Variants in TSPAN11 observed in about 807,000 individuals in gnomAD.
TSPAN11 encodes the protein tetraspanin 11.
In TSPAN11, 29 loss-of-function variants were observed where a neutral mutation model predicts 32.9. That is an observed-to-expected ratio of 0.88 (90% CI 0.66 to 1.20). TSPAN11 has a LOEUF of 1.20. Among genes scored for constraint, TSPAN11 ranks in the 50% most tolerant of loss-of-function variants. The pLI is 0.00. For missense variants in TSPAN11, 283 were observed against 329.1 expected, an observed-to-expected ratio of 0.86 and a Z score of 1.08; for synonymous variants, 140 against 141.3, an observed-to-expected ratio of 0.99 and a Z score of 0.07.
In TSPAN11 at chr12:30,992,019, G is replaced by GC. The variant is rs1211421543; in HGVS notation, c.*109dup. On this transcript the variant is annotated 3_prime_UTR_variant, in exon 8 of 8. Transcript: ENST00000546076. Reference sequence around the variant, plus strand: ...CACCAGCTCCACTAGGGCCATAGATGCCCCCTCCTTTGTGCCTAGCTCCTG... The same window carrying GC: ...CACCAGCTCCACTAGGGCCATAGATGCCCCCCTCCTTTGTGCCTAGCTCCTG... 1.5e-6 allele frequency: 2 copies of GC among 1,301,794 alleles called. No individual in the cohort carries two copies. Among genetic ancestry groups the GC allele is most frequent in the Non-Finnish European group, 2.2e-6 (2 of 903,262 alleles). 80.6% of individuals were successfully genotyped at this position (1,301,794 alleles called of 1,614,324 possible). A position where few individuals can be genotyped will look rare whatever the true frequency, so the allele number is the denominator to read the frequency against.
At position 30,930,741 on chromosome 12, in the gene TSPAN11, C is replaced by A. The variant is rs569659072; in HGVS notation, c.-12+3945C>A. On this transcript the variant is annotated intron_variant, in intron 1 of 7. Transcript: ENST00000546076. ...TTGAAGAGTGGTGACTACTGTGGGA[C>A]CTTGTCTAATGCTGGTCTCCCCTGT... Among the ~76,000 whole-genome samples the A allele has an allele frequency of 1.4e-4, 22 of 152,280 alleles. 1 individual carries two copies. Among genetic ancestry groups the A allele is most frequent in the African/African-American group, 5.3e-4 (22 of 41,550 alleles).
At position 30,982,927 on chromosome 12, in the gene TSPAN11, G is replaced by A. The variant is rs1359677366; in HGVS notation, c.616-137G>A. 8.1e-6 allele frequency: 9 copies of A among 1,109,110 alleles called. No homozygotes were observed. The Admixed American group carries it at 1.6e-4, about 20-fold the overall frequency. The allele number at this position is 1,109,110 out of a possible 1,614,324, so 68.7% of individuals were successfully genotyped here. On this transcript the variant is annotated intron_variant, in intron 6 of 7. Coordinates refer to ENST00000546076, the MANE Select transcript of TSPAN11 (RefSeq NM_001370302.1). ...GCCCCTGGGGCCACTCAAGTAGCCT[G>A]TGAGCAATTCAAGGTTGGGTCCAGC...
At chr12:30,927,801 T>C (rs1014145802) in intron 1 of TSPAN11, among the ~76,000 whole-genome samples, 4 of 152,176 alleles carry the variant, frequency 2.6e-5, no homozygotes, top group African/African-American at 9.6e-5. Flanking sequence ...TGGTTGTCAC[T>C]GTGTCAGTAG....
chr12:30,966,816 G>A (rs1035939176), intron 3 of TSPAN11, among the ~76,000 whole-genome samples: 1 of 152,212 alleles, frequency 6.6e-6, no homozygotes, highest in African/African-American at 2.4e-5. Context: ...AAGAGACAGG[G>A]GTGTAGTGAG....
At position 30,995,257 on chromosome 12, in the gene TSPAN11, C is replaced by G. The variant is rs1939394381; in HGVS notation, c.*3342C>G. 2 of 152,306 alleles carry G rather than the reference C, an allele frequency of 1.3e-5. No individual in the cohort carries two copies. Among genetic ancestry groups the G allele is most frequent in the South Asian group, 4.1e-4 (2 of 4,826 alleles). The allele number at this position is 152,306 out of a possible 1,614,324, so 9.4% of individuals were successfully genotyped here. Reference sequence around the variant, plus strand: ...GAATCTCATGTCCACATGGAGGTCACCCCTCAGGTCACACCCACTCCCAGA... The same window carrying G: ...GAATCTCATGTCCACATGGAGGTCAGCCCTCAGGTCACACCCACTCCCAGA... On this transcript the variant is annotated 3_prime_UTR_variant, in exon 8 of 8. Transcript: ENST00000546076.
chr12:31,003,703 G>T, the TSPAN11 span, among the ~76,000 whole-genome samples: 3 of 152,162 alleles, frequency 2.0e-5, no homozygotes, highest in Admixed American at 2.0e-4. Flanking sequence ...GAGTGTGTTT[G>T]CTCTGGAATC....
In TSPAN11 at chr12:30,972,930, G is replaced by A. The variant is rs77521099; in HGVS notation, c.277-5631G>A. On this transcript the variant is annotated intron_variant, in intron 3 of 7. Coordinates refer to ENST00000546076, the MANE Select transcript of TSPAN11 (RefSeq NM_001370302.1). The stretch of plus-strand genomic sequence containing the variant: ...TTATGCGCCCAGGGAGGGCTTCCCT[G>A]GGCTTCCTTCTATTCTCTCCATCTT... Among the ~76,000 whole-genome samples, 431 of 152,044 alleles carry A rather than the reference G, an allele frequency of 2.8e-3. 3 individuals are homozygous for A. Among genetic ancestry groups the A allele is most frequent in the Non-Finnish European group, 4.9e-3 (330 of 67,930 alleles).
chr12:30,964,638 C>T (rs1427198198), intron 3 of TSPAN11, among the ~76,000 whole-genome samples: 1 of 152,298 alleles, frequency 6.6e-6, no homozygotes, highest in East Asian at 1.9e-4. Flanking sequence ...GAAACAGTCC[C>T]AGACAGCATG....
intron 2 of TSPAN11, among the ~76,000 whole-genome samples, chr12:30,956,032 G>A (rs1433792405): frequency 6.6e-6 from 1 of 152,180 alleles, no homozygotes; most frequent in Non-Finnish European, 1.5e-5. Flanking sequence ...CTTTGATCAG[G>A]GCAGGAGACG....
chr12:30,998,992 C>A (rs1366705177), downstream of TSPAN11: 3 of 152,164 alleles, frequency 2.0e-5, no homozygotes, highest in African/African-American at 7.2e-5. Flanking sequence ...GATGGGGCTA[C>A]ATCTTGATAA....
At chr12:30,950,011 T>G (rs1213009885) in intron 1 of TSPAN11, among the ~76,000 whole-genome samples, 4 of 151,960 alleles carry the variant, frequency 2.6e-5, no homozygotes, top group African/African-American at 9.7e-5. Context: ...CCTTAGAATC[T>G]TTCCTCCCCT....
intron 5 of TSPAN11, among the ~76,000 whole-genome samples, chr12:30,979,984 C>T (rs1038655275): frequency 1.8e-4 from 28 of 152,298 alleles, no homozygotes; most frequent in African/African-American, 6.3e-4. Flanking sequence ...GCCAGGAGAA[C>T]TCCATCTCCT....
In TSPAN11 at chr12:30,991,616, C is replaced by T. The variant is rs1420990557; in HGVS notation, c.703-240C>T. On this transcript the variant is annotated intron_variant, in intron 7 of 7. Transcript: ENST00000546076. ...GCCCATTAAAGTGTGCAAAGCCCTG[C>T]TCTTGGATAGTAGATGGCAGAATGT... Among the ~76,000 whole-genome samples the T allele has an allele frequency of 2.0e-5, 3 of 152,200 alleles. 1 individual carries two copies. The highest frequency in any genetic ancestry group is 2.0e-4 in the Admixed American group (3 of 15,282).
chr12:30,955,797 A>G (rs909173520), intron 2 of TSPAN11, among the ~76,000 whole-genome samples: 4 of 152,168 alleles, frequency 2.6e-5, no homozygotes, highest in African/African-American at 9.7e-5. Context: ...CTCTGTCTTC[A>G]CATGATGTTT....
At chr12:30,978,959 C>T (rs938071891) in intron 4 of TSPAN11, 3 of 358,868 alleles carry the variant, frequency 8.4e-6, no homozygotes, top group African/African-American at 4.0e-5. Context: ...GAAGAAAGGC[C>T]TGGGCCAGGG....
At chr12:30,981,168 G>A (rs918790388) in intron 5 of TSPAN11, among the ~76,000 whole-genome samples, 1 of 152,184 alleles carries the variant, frequency 6.6e-6, no homozygotes, top group African/African-American at 2.4e-5. Flanking sequence ...TGTGGACACG[G>A]CCCTCACACA....
At chr12:30,927,207 C>T (rs955778687) in intron 1 of TSPAN11, among the ~76,000 whole-genome samples, 4 of 152,256 alleles carry the variant, frequency 2.6e-5, no homozygotes, top group Non-Finnish European at 5.9e-5. Context: ...CATGGCTACA[C>T]CAAAATGCTG....
chr12:31,000,451 G>A (rs1228687053), downstream of TSPAN11, among the ~76,000 whole-genome samples: 3 of 152,326 alleles, frequency 2.0e-5, no homozygotes, highest in East Asian at 3.9e-4. Flanking sequence ...TCCTGGTCTA[G>A]GAACAAGCTG....
chr12:30,985,810 A>G (rs1209323202), intron 7 of TSPAN11, among the ~76,000 whole-genome samples: 1 of 152,206 alleles, frequency 6.6e-6, no homozygotes, highest in Non-Finnish European at 1.5e-5. Flanking sequence ...CATAAGTCTG[A>G]TATTGAAGAG....
Sources: allele counts gnomAD v4.1 joint callset (sites outside exome capture counted in the v4.1 genomes callset), GRCh38; gene constraint gnomAD v4.1.1; transcripts MANE v1.5; gene names NCBI Gene and HGNC (gene_info 2026-07-23, HGNC 2026-07-21).